Variants in PTPRG observed in about 807,000 individuals in gnomAD.
The protein encoded by PTPRG is protein tyrosine phosphatase receptor type G.
PTPRG carries 102 observed loss-of-function variants against 165.3 expected under a neutral mutation model. The observed-to-expected ratio is 0.62, with a 90% CI of 0.53 to 0.73. PTPRG has a LOEUF of 0.73. Among genes scored for constraint, PTPRG ranks in the 30% least tolerant of loss-of-function variants. The probability of loss-of-function intolerance (pLI) is 0.00; values close to 1 mark genes in which losing one functional copy is unlikely to be tolerated. For missense variants in PTPRG, 1,866 were observed against 1,861.4 expected (o/e 1.00, Z -0.05); for synonymous variants, 675 against 669.5 (o/e 1.01, Z -0.13).
chr3:62,152,220 T>A (rs969446515), intron 6 of PTPRG, among the ~76,000 whole-genome samples: 3 of 151,598 alleles, frequency 2.0e-5, no homozygotes, highest in African/African-American at 7.3e-5. Context: ...TTTTTTTTTT[T>A]AATTAGGCAG....
At chr3:61,938,410 A>G (rs1341217334) in intron 2 of PTPRG, among the ~76,000 whole-genome samples, 15 of 152,146 alleles carry the variant, frequency 9.9e-5, no homozygotes, top group Non-Finnish European at 2.2e-4. Flanking sequence ...GACTTTTGCT[A>G]TGCCTCATAC....
chr3:61,614,165 A>C (rs1701248129), intron 1 of PTPRG, among the ~76,000 whole-genome samples: 1 of 151,942 alleles, frequency 6.6e-6, no homozygotes, highest in South Asian at 2.1e-4. Context: ...CTCACTCACT[A>C]GCTCCAGCCT....
intron 1 of PTPRG, among the ~76,000 whole-genome samples, chr3:61,636,943 T>C (rs1318652100): frequency 6.6e-6 from 1 of 152,178 alleles, no homozygotes. Flanking sequence ...ATCATATGAT[T>C]TGTTCATTTC....
At chr3:61,746,603 C>G (rs2033216530) in intron 1 of PTPRG, among the ~76,000 whole-genome samples, 1 of 152,080 alleles carries the variant, frequency 6.6e-6, no homozygotes, top group African/African-American at 2.4e-5. Context: ...GAGGCTTCCA[C>G]TTTGTCTAAT....
intron 2 of PTPRG, among the ~76,000 whole-genome samples, chr3:61,964,061 A>T (rs1228363551): frequency 1.3e-5 from 2 of 152,204 alleles, no homozygotes; most frequent in Admixed American, 1.3e-4. Context: ...CATGCAGGGA[A>T]CACATAAGTA....
intron 2 of PTPRG, among the ~76,000 whole-genome samples, chr3:61,957,208 C>G (rs975001902): frequency 6.6e-6 from 1 of 152,204 alleles, no homozygotes; most frequent in Non-Finnish European, 1.5e-5. Flanking sequence ...CACACAGTCT[C>G]TGATGCCTTT....
Position 62,167,962 on chromosome 3 carries a change from T to C in PTPRG, c.841-9T>C, listed in dbSNP as rs950961386. The C allele has an allele frequency of 3.7e-6, 6 of 1,607,474 alleles. No individual in the cohort carries two copies. The African/African-American group carries it at 5.4e-5, about 14-fold the overall frequency. ...TTTTTCCCCCTCCCCTCTCTGGTCC[T>C]CTGTTCAGCTTGAGGCTTTTTATTC... On this transcript the variant is annotated splice_polypyrimidine_tract_variant and intron_variant, in intron 7 of 29. Coordinates refer to ENST00000474889, the MANE Select transcript of PTPRG (RefSeq NM_002841.4).
Position 62,216,294 on chromosome 3 carries a change from C to T in PTPRG, c.2156-2557C>T, listed in dbSNP as rs1257083461. On this transcript the variant is annotated intron_variant, in intron 12 of 29. Coordinates refer to ENST00000474889, the MANE Select transcript of PTPRG (RefSeq NM_002841.4). ...TGTTTAGGGATATAAGTGTGAGGGA[C>T]TATTTTGGCCAAGAGTTCCTTTCTG... Among the ~76,000 whole-genome samples, 5 of 151,664 alleles carry T rather than the reference C, an allele frequency of 3.3e-5. No individual in the cohort carries two copies. In the South Asian group the frequency reaches 8.4e-4, roughly 25 times the overall value.
At chr3:61,587,834 T>G (rs1435726784) in intron 1 of PTPRG, among the ~76,000 whole-genome samples, 3 of 152,034 alleles carry the variant, frequency 2.0e-5, no homozygotes, top group African/African-American at 7.2e-5. Flanking sequence ...TTTTTAAAAT[T>G]TATATTTGTA....
chr3:62,080,234 A>ATTTTTT (rs112814144), intron 5 of PTPRG, among the ~76,000 whole-genome samples: 4 of 137,436 alleles, frequency 2.9e-5, no homozygotes. Flanking sequence ...ATGCCCAGCT[A>ATTTTTT]ATTTTTTTTT....
intron 4 of PTPRG, among the ~76,000 whole-genome samples, chr3:62,063,168 A>G (rs545922519): frequency 6.6e-6 from 1 of 152,276 alleles, no homozygotes; most frequent in Non-Finnish European, 1.5e-5. Context: ...CTTGAACTTG[A>G]ACTTTCATTT....
chr3:61,735,918 T>A (rs968126088), intron 1 of PTPRG, among the ~76,000 whole-genome samples: 7 of 151,676 alleles, frequency 4.6e-5, no homozygotes, highest in African/African-American at 1.7e-4. Flanking sequence ...GATTTTTTTT[T>A]TTTTTTGGAG....
chr3:62,192,391 G>GTTTTTT (rs1699853745), intron 9 of PTPRG, among the ~76,000 whole-genome samples: 1 of 90,714 alleles, frequency 1.1e-5, no homozygotes, highest in Admixed American at 1.3e-4. Context: ...CACAACTACT[G>GTTTTTT]TCTTTTTTTT....
chr3:61,687,118 G>C (rs1703659580), intron 1 of PTPRG, among the ~76,000 whole-genome samples: 1 of 152,190 alleles, frequency 6.6e-6, no homozygotes, highest in South Asian at 2.1e-4. Flanking sequence ...TACCTACCCT[G>C]AAATGAAACC....
intron 2 of PTPRG, among the ~76,000 whole-genome samples, chr3:61,979,966 G>A (rs191384782): frequency 1.8e-4 from 28 of 151,974 alleles, no homozygotes; most frequent in Non-Finnish European, 2.6e-4. Context: ...ATGTCAGTGG[G>A]TAGGTATACA....
At chr3:62,018,134 T>C (rs1364217192) in intron 4 of PTPRG, among the ~76,000 whole-genome samples, 1 of 152,182 alleles carries the variant, frequency 6.6e-6, no homozygotes, top group Non-Finnish European at 1.5e-5. Context: ...GGGAGTTTCA[T>C]AGTGAACAAG....
chr3:62,009,018 G>A (rs941878772), intron 4 of PTPRG, among the ~76,000 whole-genome samples: 1 of 152,156 alleles, frequency 6.6e-6, no homozygotes, highest in Non-Finnish European at 1.5e-5. Flanking sequence ...TTCCTATAAC[G>A]AGCAAATGAA....
intron 1 of PTPRG, among the ~76,000 whole-genome samples, chr3:61,663,049 T>A (rs1320688937): frequency 6.6e-6 from 1 of 152,126 alleles, no homozygotes. Context: ...TTTGGAAGGC[T>A]GAAGTGGGTG....
chr3:61,914,356 T>A (rs189907178), intron 2 of PTPRG, among the ~76,000 whole-genome samples: 40 of 152,306 alleles, frequency 2.6e-4, no homozygotes, highest in African/African-American at 9.6e-4. Context: ...GTGTTCCCCA[T>A]GGGGACTTTG....
Sources: gnomAD v4.1 joint callset for allele counts (sites outside exome capture counted in the v4.1 genomes callset) on GRCh38, gnomAD v4.1.1 for gene constraint, MANE v1.5 for transcripts, NCBI Gene and HGNC (gene_info 2026-07-23, HGNC 2026-07-21) for gene names.